ATP9B: variants seen among roughly 807,000 people sequenced by gnomAD.
ATP9B encodes ATPase phospholipid transporting 9B.
In ATP9B, 110 loss-of-function variants were observed where a neutral mutation model predicts 146.1. That is an observed-to-expected ratio of 0.75 (90% CI 0.65 to 0.88). ATP9B has a LOEUF of 0.88. ATP9B is among the 40% of genes least tolerant of loss of function. The probability of loss-of-function intolerance (pLI) is 0.00; values close to 1 mark genes in which losing one functional copy is unlikely to be tolerated. For synonymous variants in ATP9B, 604 were observed against 569.7 expected (o/e 1.06, Z -0.86); for missense variants, 1,499 against 1,496.4 (o/e 1.00, Z -0.03).
rs932639592 is a variant in ATP9B, at chr18:79,298,165, TAAAG to T, written c.1412-5431_1412-5428del. ...AGAAAGGAAGAAATCGAGTTAAAAT[TAAAG>T]AAAGAAAATTGTCCCTGTCTGCAGA... On this transcript the variant is annotated intron_variant, in intron 13 of 29. Coordinates refer to ENST00000426216, the MANE Select transcript of ATP9B (RefSeq NM_198531.5). Among the ~76,000 whole-genome samples the T allele has an allele frequency of 6.8e-5, 10 of 146,464 alleles. 1 individual carries two copies. The South Asian group carries it at 1.1e-3, about 16-fold the overall frequency.
intron 1 of ATP9B, among the ~76,000 whole-genome samples, chr18:79,080,185 A>C (rs547764541): frequency 6.6e-6 from 1 of 152,204 alleles, no homozygotes; most frequent in African/African-American, 2.4e-5. Context: ...GAAGAAAGTC[A>C]GTGGTAGCTT....
intron 11 of ATP9B, among the ~76,000 whole-genome samples, chr18:79,244,238 C>G (rs1180940306): frequency 2.0e-5 from 3 of 151,866 alleles, no homozygotes; most frequent in Non-Finnish European, 4.4e-5. Flanking sequence ...TGCCTGTCTG[C>G]TGGGCCACCC....
chr18:79,205,502 T>C (rs1423572533), intron 9 of ATP9B, among the ~76,000 whole-genome samples: 1 of 152,088 alleles, frequency 6.6e-6, no homozygotes, highest in Non-Finnish European at 1.5e-5. Context: ...TCTTAAGGTA[T>C]ATCCTGATAG....
intron 13 of ATP9B, among the ~76,000 whole-genome samples, chr18:79,302,580 T>C (rs1010678187): frequency 6.6e-6 from 1 of 152,250 alleles, no homozygotes; most frequent in African/African-American, 2.4e-5. Context: ...TATGCACATG[T>C]AATATGTGTA....
rs56268434 is a variant in ATP9B at position 79,086,435 on chromosome 18, CAAA to C, written c.120-10023_120-10021del. The C allele has an allele frequency of 5.8e-4, 37 of 63,480 alleles. 1 individual carries two copies. The highest frequency in any genetic ancestry group is 2.5e-3 in the African/African-American group (37 of 14,628). The allele number at this position is 63,480 out of a possible 1,614,324, so 3.9% of individuals were successfully genotyped here. On this transcript the variant is annotated intron_variant, in intron 1 of 29. Coordinates refer to ENST00000426216, the MANE Select transcript of ATP9B (RefSeq NM_198531.5). Reference sequence around the variant, plus strand: ...TGGGAGACAGAGCAAGGCTCTATCTCAAAAAAAAAAAAAAAAAAAAGATAAAAT... The same window carrying C: ...TGGGAGACAGAGCAAGGCTCTATCTCAAAAAAAAAAAAAAAAAGATAAAAT...
chr18:79,203,032 T>C (rs1406529347), intron 9 of ATP9B, among the ~76,000 whole-genome samples: 1 of 152,210 alleles, frequency 6.6e-6, no homozygotes, highest in Non-Finnish European at 1.5e-5. Context: ...AAGTGAATCA[T>C]TAGGAAGAGT....
At chr18:79,375,803 C>G (rs2097098856) in intron 29 of ATP9B, 1 of 985,446 alleles carries the variant, frequency 1.0e-6, no homozygotes. Flanking sequence ...TACAGAGATC[C>G]AGCGCTTCCC....
chr18:79,155,165 A>G (rs1204738826), intron 7 of ATP9B, among the ~76,000 whole-genome samples: 1 of 152,226 alleles, frequency 6.6e-6, no homozygotes, highest in Non-Finnish European at 1.5e-5. Context: ...AAAGGGAGCA[A>G]CTTTCAAAGA....
At chr18:79,330,208 G>T in intron 17 of ATP9B, 104 bp downstream of exon 17, 1 of 1,043,912 alleles carries the variant, frequency 9.6e-7, no homozygotes, top group Admixed American at 1.9e-5. Flanking sequence ...TTTATTGATA[G>T]ATGACAGGAA....
At chr18:79,245,043 C>T (rs901786866) in intron 11 of ATP9B, among the ~76,000 whole-genome samples, 4 of 152,154 alleles carry the variant, frequency 2.6e-5, no homozygotes, top group African/African-American at 9.7e-5. Flanking sequence ...CTCCTGGGCT[C>T]CTAGGGACCC....
At chr18:79,196,654 T>C (rs2095420623) in intron 9 of ATP9B, among the ~76,000 whole-genome samples, 1 of 152,208 alleles carries the variant, frequency 6.6e-6, no homozygotes, top group African/African-American at 2.4e-5. Context: ...AAATTTGGTT[T>C]TAAAAATTAG....
intron 23 of ATP9B, among the ~76,000 whole-genome samples, chr18:79,346,298 C>A (rs2096887029): frequency 6.7e-6 from 1 of 150,278 alleles, no homozygotes; most frequent in East Asian, 2.0e-4. Context: ...ATGCTCAGCA[C>A]ACACTTGGCA....
chr18:79,314,098 TTTATTTAGGGAAATGGTTCAA>T (rs2096666830), intron 15 of ATP9B, among the ~76,000 whole-genome samples: 1 of 152,256 alleles, frequency 6.6e-6, no homozygotes, highest in Non-Finnish European at 1.5e-5. Context: ...ACCCTGGAGC[TTTATTTAGGGAAATGGTTCAA>T]TTGATGTTTT....
chr18:79,253,315 A>T, intron 11 of ATP9B, 66 bp from the exon 12 acceptor site: 1 of 1,415,852 alleles, frequency 7.1e-7, no homozygotes, highest in Non-Finnish European at 9.5e-7. Flanking sequence ...ACTACCATGC[A>T]TTCTGATTTA....
At chr18:79,116,790 G>A (rs1421263010) in intron 4 of ATP9B, among the ~76,000 whole-genome samples, 2 of 87,060 alleles carry the variant, frequency 2.3e-5, no homozygotes, top group African/African-American at 4.5e-5. Context: ...GGGGAGGGGG[G>A]AGGGATAGCA....
chr18:79,073,507 A>G (rs2146394264), intron 1 of ATP9B, among the ~76,000 whole-genome samples: 1 of 152,324 alleles, frequency 6.6e-6, no homozygotes, highest in East Asian at 1.9e-4. Context: ...GCGCGCCTGC[A>G]ATCCCAGGCA....
At chr18:79,209,546 A>C (rs987040244) in intron 10 of ATP9B, 2 of 482,192 alleles carry the variant, frequency 4.1e-6, no homozygotes, top group African/African-American at 4.2e-5. Flanking sequence ...TCCTGACCTC[A>C]GTTCTCTTGA....
intron 11 of ATP9B, among the ~76,000 whole-genome samples, chr18:79,231,678 T>TG (rs1329482652): frequency 6.6e-6 from 1 of 151,580 alleles, no homozygotes; most frequent in Non-Finnish European, 1.5e-5. Flanking sequence ...AAAAGACACT[T>TG]GCACACACGT....
intron 8 of ATP9B, among the ~76,000 whole-genome samples, chr18:79,177,954 A>G (rs919863614): frequency 7.9e-5 from 12 of 152,190 alleles, no homozygotes; most frequent in African/African-American, 2.9e-4. Flanking sequence ...TAGAGTTATT[A>G]CAACTTAACA....
Sources: gnomAD v4.1 joint callset for allele counts (sites outside exome capture counted in the v4.1 genomes callset) on GRCh38, gnomAD v4.1.1 for gene constraint, MANE v1.5 for transcripts, NCBI Gene and HGNC (gene_info 2026-07-23, HGNC 2026-07-21) for gene names.